The following SRPRA variants were observed in gnomAD, a reference collection of about 807,000 sequenced individuals.
SRPRA encodes the protein SRP receptor subunit alpha, also known as signal recognition particle receptor subunit alpha.
In SRPRA, 30 loss-of-function variants were observed where a neutral mutation model predicts 61.1. That is an observed-to-expected ratio of 0.49 (90% confidence interval 0.37 to 0.67). The LOEUF is 0.67. Among genes scored for constraint, SRPRA ranks in the 30% least tolerant of loss-of-function variants. The pLI is 0.00. For missense variants in SRPRA, 759 were observed against 828.4 expected, an observed-to-expected ratio of 0.92 and a Z score of 1.03; for synonymous variants, 324 against 299.7, an observed-to-expected ratio of 1.08 and a Z score of -0.84.
chr11:126,260,702 G>A (rs1329829875), downstream of SRPRA: 2 of 152,130 alleles, frequency 1.3e-5, no homozygotes, highest in Non-Finnish European at 2.9e-5. Flanking sequence ...TGTTTTCTAC[G>A]AGGGTAATAT....
At chr11:126,256,530 C>T in the SRPRA span, 1 of 1,597,338 alleles carries the variant, frequency 6.3e-7, no homozygotes, top group Non-Finnish European at 8.5e-7. This position sits in a 1 kb window ranked among gnomAD's most constrained non-coding sequence, Gnocchi z 6.6. Context: ...TTGAGTGTGT[C>T]TTCACAATGT....
chr11:126,241,099 A>C, the SRPRA span: 1 of 1,496,624 alleles, frequency 6.7e-7, no homozygotes, highest in Non-Finnish European at 9.0e-7. Flanking sequence ...TTTAACTATC[A>C]CAACTAGCAT....
chr11:126,248,980 C>T, the SRPRA span, among the ~76,000 whole-genome samples: 1 of 152,180 alleles, frequency 6.6e-6, no homozygotes, highest in Non-Finnish European at 1.5e-5. Flanking sequence ...AGCCAGTTTC[C>T]CACCTGAAGT....
chr11:126,250,061 C>T, the SRPRA span, among the ~76,000 whole-genome samples: 1 of 150,872 alleles, frequency 6.6e-6, no homozygotes, highest in Non-Finnish European at 1.5e-5. The surrounding 1 kb of genome is among the most constrained non-coding windows in gnomAD (Gnocchi z 5.1). Flanking sequence ...TTATTACGTT[C>T]GTATGAGATA....
At chr11:126,235,962 T>C in the SRPRA span, among the ~76,000 whole-genome samples, 1 of 152,254 alleles carries the variant, frequency 6.6e-6, no homozygotes, top group Non-Finnish European at 1.5e-5. Context: ...TGTTTGTTTG[T>C]TTGCTTTCAA....
At chr11:126,257,145 G>GCGAA in the SRPRA span, among the ~76,000 whole-genome samples, 2 of 152,202 alleles carry the variant, frequency 1.3e-5, no homozygotes, top group Non-Finnish European at 2.9e-5. Context: ...TTACAAAATA[G>GCGAA]CGAAGAAAGA....
chr11:126,248,896 C>T, the SRPRA span, among the ~76,000 whole-genome samples: 91 of 152,344 alleles, frequency 6.0e-4, no homozygotes, highest in African/African-American at 2.1e-3. Context: ...TCAGATATTA[C>T]ATCACATTAC....
the SRPRA span, among the ~76,000 whole-genome samples, chr11:126,237,215 C>CTTT: frequency 0.036 from 1,566 of 43,056 alleles, 321 homozygotes; most frequent in East Asian, 0.093. Context: ...CGCGCCTGGC[C>CTTT]TTTTTTTTTT....
Position 126,266,912 on chromosome 11 carries a change from A to C in SRPRA, c.537T>G (p.Gly179=). The change falls in exon 5 of 14, where the codon GGT becomes GGG. Residue 179 remains glycine, a synonymous_variant. Coordinates refer to ENST00000332118, the MANE Select transcript of SRPRA (RefSeq NM_003139.4). The part of the protein sequence containing the change: ...KKGAKKEGSD[G]PLATSKPVPA... The stretch of plus-strand genomic sequence containing the variant: ...GGACTGGTTTGCTGGTAGCCAAAGG[A>C]CCATCAGAACCTGTTGGGGAAAAAA... 1 of 1,612,876 alleles carries C rather than the reference A, an allele frequency of 6.2e-7. No homozygotes were observed. Among genetic ancestry groups the C allele is most frequent in the Middle Eastern group, 1.7e-4 (1 of 6,048 alleles).
Position 126,265,330 on chromosome 11 carries a change from G to A in SRPRA, c.1249C>T (p.Arg417Cys), listed in dbSNP as rs748011036. The A allele has an allele frequency of 8.1e-6, 13 of 1,613,960 alleles. No homozygotes were observed. The highest frequency in any genetic ancestry group is 3.3e-5 in the South Asian group (3 of 91,078). The change falls in exon 10 of 14, where the codon CGC becomes TGC. Residue 417 changes from arginine (R) to cysteine (C), a missense_variant. Arg to Cys is a radical substitution (Grantham distance 180). Coordinates refer to ENST00000332118, the MANE Select transcript of SRPRA (RefSeq NM_003139.4). The surrounding 1 kb of genome is among the most constrained non-coding windows in gnomAD (Gnocchi z 6.3). ...CCGCAGAAGGTGACGACATAAGGGC[G>A]CTGGCGACGCTGGGCATCCATGATG... ...RDIMDAQRRQRPYVVTFCGVN... is the reference protein window; with the variant it reads ...RDIMDAQRRQCPYVVTFCGVN...
chr11:126,263,830 T>C lies in SRPRA; in HGVS notation c.*86A>G. 1.9e-6 allele frequency: 3 copies of C among 1,557,412 alleles called. No homozygotes were observed. The highest frequency in any genetic ancestry group is 1.8e-5 in the Admixed American group (1 of 54,354). ...GCCTTTGTACTACACTGAAGACAGG[T>C]TGCTCACATACTCTAAAGCACATTC... On this transcript the variant is annotated 3_prime_UTR_variant, in exon 14 of 14. Transcript: ENST00000332118.
In SRPRA at chr11:126,264,436, T is replaced by C; in HGVS notation, c.1629A>G (p.Thr543=). The C allele has an allele frequency of 6.2e-7, 1 of 1,614,142 alleles. No individual in the cohort carries two copies. The highest frequency in any genetic ancestry group is 8.5e-7 in the Non-Finnish European group (1 of 1,180,014). ...TALAKLITVN[T]PDLVLFVGEA... ...CTCCTACAAACAGCACCAAATCAGG[T>C]GTATTGACAGTAATGAGTTTGGCCA... The change falls in exon 12 of 14, where the codon ACA becomes ACG. Residue 543 remains threonine, a synonymous_variant. Transcript: ENST00000332118. This position sits in a 1 kb window ranked among gnomAD's most constrained non-coding sequence, Gnocchi z 5.0.
chr11:126,240,294 G>T, the SRPRA span, among the ~76,000 whole-genome samples: 2 of 149,716 alleles, frequency 1.3e-5, no homozygotes, highest in Non-Finnish European at 3.0e-5. Flanking sequence ...TTTTGCCTGA[G>T]GTTAATGTTT....
chr11:126,246,765 T>C, the SRPRA span, among the ~76,000 whole-genome samples: 1 of 152,128 alleles, frequency 6.6e-6, no homozygotes, highest in Non-Finnish European at 1.5e-5. Flanking sequence ...TTACTAAGTT[T>C]CAGGGTAGAA....
the SRPRA span, among the ~76,000 whole-genome samples, chr11:126,239,617 T>A: frequency 6.6e-6 from 1 of 152,094 alleles, no homozygotes; most frequent in Non-Finnish European, 1.5e-5. Context: ...ATACAGGTTT[T>A]CCTTTCCTGC....
chr11:126,256,489 C>T, the SRPRA span: 83 of 1,390,060 alleles, frequency 6.0e-5, no homozygotes, highest in African/African-American at 6.3e-4. The surrounding 1 kb of genome is among the most constrained non-coding windows in gnomAD (Gnocchi z 6.6). Context: ...GTCTGCTCAA[C>T]GTAGCATGAC....
At chr11:126,240,776 T>C in the SRPRA span, 2 of 1,592,556 alleles carry the variant, frequency 1.3e-6, no homozygotes, top group Non-Finnish European at 1.7e-6. Context: ...TCCTCTCATT[T>C]GTTTTGCTTT....
the SRPRA span, among the ~76,000 whole-genome samples, chr11:126,237,995 TA>T: frequency 1.6e-4 from 24 of 152,192 alleles, no homozygotes; most frequent in Non-Finnish European, 2.8e-4. Flanking sequence ...GTATAACTGT[TA>T]TGTTGGGGGC....
intron 1 of SRPRA, 59 bp downstream of exon 1, chr11:126,268,623 CGAAGGG>C: frequency 7.2e-7 from 1 of 1,396,710 alleles, no homozygotes; most frequent in Non-Finnish European, 1.0e-6. Context: ...GGAATAGAGT[CGAAGGG>C]GACCATGGAT....
Sources: gnomAD v4.1 joint callset for allele counts (sites outside exome capture counted in the v4.1 genomes callset) on GRCh38, gnomAD v4.1.1 for gene constraint, Gnocchi (gnomAD v3.1) non-coding constraint, MANE v1.5 for transcripts, NCBI Gene and HGNC (gene_info 2026-07-23, HGNC 2026-07-21) for gene names.